Variants in VPS4A observed in about 807,000 individuals in gnomAD.
VPS4A encodes vacuolar protein sorting 4 homolog A, also known as vacuolar protein sorting-associated protein 4A.
In VPS4A, 20 loss-of-function variants were observed where a neutral mutation model predicts 52.3. The observed-to-expected ratio is 0.38, with a 90% CI of 0.27 to 0.56. VPS4A has a LOEUF of 0.56. VPS4A is among the 20% of genes least tolerant of loss of function. The pLI is 0.72. For missense variants in VPS4A, 419 were observed against 575.9 expected (o/e 0.73, Z 2.79); for synonymous variants, 293 against 227.7 (o/e 1.29, Z -2.58).
chr16:69,316,450 T>C, intron 3 of VPS4A, 78 bp downstream of exon 3: 1 of 1,562,118 alleles, frequency 6.4e-7, no homozygotes, highest in Non-Finnish European at 8.7e-7. Flanking sequence ...CATGCTGCCT[T>C]GGACTTCCCT....
chr16:69,324,567 C>A lies in VPS4A; in HGVS notation c.*258C>A. 1 of 437,936 alleles carries A rather than the reference C, an allele frequency of 2.3e-6. No individual in the cohort carries two copies. Among genetic ancestry groups the A allele is most frequent in the Non-Finnish European group, 4.2e-6 (1 of 238,640 alleles). 27.1% of individuals were successfully genotyped at this position (437,936 alleles called of 1,614,324 possible). Reference sequence around the variant, plus strand: ...GGATGCTCATCAGCTCCTTCTGCCTCCCCCCCTTTTTTTTCCATCTTTTGT... The same window carrying A: ...GGATGCTCATCAGCTCCTTCTGCCTACCCCCCTTTTTTTTCCATCTTTTGT... On this transcript the variant is annotated 3_prime_UTR_variant, in exon 11 of 11. Transcript: ENST00000254950.
At chr16:69,322,396 C>A in intron 9 of VPS4A, 164 bp from the exon 10 acceptor site, 1 of 625,304 alleles carries the variant, frequency 1.6e-6, no homozygotes, top group Admixed American at 3.2e-5. Flanking sequence ...CCATGCAAAT[C>A]ATGAGTCGCT....
chr16:69,320,308 G>GC lies in VPS4A; in HGVS notation c.769+24dup, dbSNP rs1426434757. 1.2e-6 allele frequency: 2 copies of GC among 1,608,226 alleles called. No homozygotes were observed. Among genetic ancestry groups the GC allele is most frequent in the Non-Finnish European group, 1.7e-6 (2 of 1,175,374 alleles). ...ATGCAGGGTGTGTGCCGGGCCCAGG[G>GC]CCCCCTTGGTTCTTGTTGCACCTGA... On this transcript the variant is annotated intron_variant, in intron 7 of 10. Transcript: ENST00000254950. The surrounding 1 kb of genome is among the most constrained non-coding windows in gnomAD (Gnocchi z 4.2).
chr16:69,314,422 G>A (rs1965411899), intron 1 of VPS4A, among the ~76,000 whole-genome samples: 1 of 152,104 alleles, frequency 6.6e-6, no homozygotes, highest in Non-Finnish European at 1.5e-5. Flanking sequence ...GGTACTGGGG[G>A]TGTGTGTTCT....
Position 69,326,406 on chromosome 16 carries a change from T to C in VPS4A, c.*2097T>C, listed in dbSNP as rs181056288. 3.5e-4 allele frequency: 53 copies of C among 152,380 alleles called. No individual in the cohort carries two copies. The highest frequency in any genetic ancestry group is 1.2e-3 in the African/African-American group (50 of 41,594). 9.4% of individuals were successfully genotyped at this position (152,380 alleles called of 1,614,324 possible). On this transcript the variant is annotated 3_prime_UTR_variant, in exon 11 of 11. Coordinates refer to ENST00000254950, the MANE Select transcript of VPS4A (RefSeq NM_013245.3). The stretch of plus-strand genomic sequence containing the variant: ...CCCTCAGCCACCAGGATATGAACCG[T>C]GTCTGCAGAGCTTCACTTTAGTGAG...
intron 10 of VPS4A, among the ~76,000 whole-genome samples, chr16:69,323,903 T>G (rs1210139971): frequency 7.6e-6 from 1 of 130,986 alleles, no homozygotes; most frequent in East Asian, 2.2e-4. Context: ...TGAGCCGAGA[T>G]CATGCCACTG....
chr16:69,313,663 A>T (rs1424518050), intron 1 of VPS4A, among the ~76,000 whole-genome samples: 1 of 152,202 alleles, frequency 6.6e-6, no homozygotes, highest in Non-Finnish European at 1.5e-5. Context: ...TTATTGGAAC[A>T]CATCCCTGTT....
Position 69,320,232 on chromosome 16 carries a change from GA to G in VPS4A, c.716del (p.Asn239MetfsTer108). The G allele has an allele frequency of 6.2e-7, 1 of 1,614,014 alleles. No homozygotes were observed. Among genetic ancestry groups the G allele is most frequent in the Non-Finnish European group, 8.5e-7 (1 of 1,179,864 alleles). On this transcript the variant is annotated frameshift_variant, in exon 7 of 11. Coordinates refer to ENST00000254950, the MANE Select transcript of VPS4A (RefSeq NM_013245.3). LOFTEE classifies it high-confidence loss of function. This position sits in a 1 kb window ranked among gnomAD's most constrained non-coding sequence, Gnocchi z 4.2. The part of the protein sequence containing the change: ...EVDSLCGSRN[E>X]NESEAARRIK... Reference sequence around the variant, plus strand: ...GGATTCCCTCTGCGGGTCCCGAAATGAAAATGAGAGTGAGGCCGCCCGGAGG... The same window carrying G: ...GGATTCCCTCTGCGGGTCCCGAAATGAAATGAGAGTGAGGCCGCCCGGAGG...
rs145200480 is a variant in VPS4A, at chr16:69,320,024, C to A, written c.621-117C>A. On this transcript the variant is annotated intron_variant, in intron 6 of 10. Coordinates refer to ENST00000254950, the MANE Select transcript of VPS4A (RefSeq NM_013245.3). This position sits in a 1 kb window ranked among gnomAD's most constrained non-coding sequence, Gnocchi z 4.2. ...CCTCACCACCACGTTTTCCGCAATTCCGGCATGACCGTGGCCTGCGCCTCC... is the reference window on the plus strand; with the variant it reads ...CCTCACCACCACGTTTTCCGCAATTACGGCATGACCGTGGCCTGCGCCTCC... 2 of 1,382,632 alleles carry A rather than the reference C, an allele frequency of 1.4e-6. No homozygotes were observed. The highest frequency in any genetic ancestry group is 1.9e-6 in the Non-Finnish European group (2 of 1,029,262). 85.6% of individuals were successfully genotyped at this position (1,382,632 alleles called of 1,614,324 possible). A position where few individuals can be genotyped will look rare whatever the true frequency, so the allele number is the denominator to read the frequency against.
chr16:69,324,344 G>A lies in VPS4A; in HGVS notation c.*35G>A. ...CACTTGGGCAATGGTGAAGGTGGGA[G>A]GTTGATTGGGGCAAATCCAGGCACT... On this transcript the variant is annotated 3_prime_UTR_variant, in exon 11 of 11. Transcript: ENST00000254950. 1 of 1,600,960 alleles carries A rather than the reference G, an allele frequency of 6.2e-7. No individual in the cohort carries two copies. Among genetic ancestry groups the A allele is most frequent in the Non-Finnish European group, 8.5e-7 (1 of 1,171,736 alleles).
At chr16:69,324,169 G>A in intron 10 of VPS4A, 39 bp from the exon 11 acceptor site, 2 of 1,598,772 alleles carry the variant, frequency 1.3e-6, no homozygotes, top group Non-Finnish European at 1.7e-6. Context: ...GGGACCTGGA[G>A]CCTGGCTCCT....
In VPS4A at chr16:69,320,889, C is replaced by T; in HGVS notation, c.851+120C>T. ...TTTTCCCTGGAGTCTTCCCGTCTGC[C>T]TGCCAAGCAGAGCCCTTTGTGAGGC... On this transcript the variant is annotated intron_variant, in intron 8 of 10. Coordinates refer to ENST00000254950, the MANE Select transcript of VPS4A (RefSeq NM_013245.3). This position sits in a 1 kb window ranked among gnomAD's most constrained non-coding sequence, Gnocchi z 4.2. 1.6e-6 allele frequency: 2 copies of T among 1,257,978 alleles called. No individual in the cohort carries two copies. Among genetic ancestry groups the T allele is most frequent in the Non-Finnish European group, 2.2e-6 (2 of 895,698 alleles). 77.9% of individuals were successfully genotyped at this position (1,257,978 alleles called of 1,614,324 possible).
At chr16:69,319,181 G>T (rs1022199211) in intron 5 of VPS4A, among the ~76,000 whole-genome samples, 2 of 150,200 alleles carry the variant, frequency 1.3e-5, no homozygotes, top group African/African-American at 2.5e-5. Context: ...GCAAGGTCAT[G>T]GGGTCATAGC....
In VPS4A at chr16:69,320,461, C is replaced by T. The variant is rs1965496914; in HGVS notation, c.769+172C>T. On this transcript the variant is annotated intron_variant, in intron 7 of 10. Transcript: ENST00000254950. The surrounding 1 kb of genome is among the most constrained non-coding windows in gnomAD (Gnocchi z 4.2). ...AATTCCCAAGAGGTGCCTGAGGCCT[C>T]TGCCTCACGGGCCACTCCACCCCTC... is the stretch of plus-strand genomic sequence containing the variant. 2.0e-6 allele frequency: 2 copies of T among 992,818 alleles called. No individual in the cohort carries two copies. Among genetic ancestry groups the T allele is most frequent in the Admixed American group, 2.8e-5 (1 of 35,636 alleles). 61.5% of individuals were successfully genotyped at this position (992,818 alleles called of 1,614,324 possible).
chr16:69,320,042 G>C lies in VPS4A; in HGVS notation c.621-99G>C. ...CGCAATTCCGGCATGACCGTGGCCT[G>C]CGCCTCCCTGTGGGAAGGGTGAGAA... On this transcript the variant is annotated intron_variant, in intron 6 of 10. Transcript: ENST00000254950. This position sits in a 1 kb window ranked among gnomAD's most constrained non-coding sequence, Gnocchi z 4.2. The C allele has an allele frequency of 6.8e-7, 1 of 1,460,854 alleles. No homozygotes were observed. Among genetic ancestry groups the C allele is most frequent in the Admixed American group, 2.2e-5 (1 of 45,110 alleles). 90.5% of individuals were successfully genotyped at this position (1,460,854 alleles called of 1,614,324 possible).
At position 69,321,012 on chromosome 16, in the gene VPS4A, C is replaced by T. The variant is rs1001567094; in HGVS notation, c.852-39C>T. ...TCCCCTTCCGTGAATACCATTCCAT[C>T]ATCCGCTGTCAACTCCTGCCGTGTG... On this transcript the variant is annotated intron_variant, in intron 8 of 10. Transcript: ENST00000254950. This position sits in a 1 kb window ranked among gnomAD's most constrained non-coding sequence, Gnocchi z 4.5. 11 of 1,537,226 alleles carry T rather than the reference C, an allele frequency of 7.2e-6. No individual in the cohort carries two copies. Among genetic ancestry groups the T allele is most frequent in the Non-Finnish European group, 9.7e-6 (11 of 1,133,282 alleles).
chr16:69,311,473 A>G lies in VPS4A; in HGVS notation c.-39A>G. On this transcript the variant is annotated 5_prime_UTR_variant, in exon 1 of 11. Transcript: ENST00000254950. ...TCCCCGGGGCCGGACCGAGGCCGCA[A>G]GCAGCGCCGCGGGGTGTGGGGCGGA... The G allele has an allele frequency of 7.7e-7, 1 of 1,298,774 alleles. No homozygotes were observed. The highest frequency in any genetic ancestry group is 9.9e-7 in the Non-Finnish European group (1 of 1,012,434). The allele number at this position is 1,298,774 out of a possible 1,614,324, so 80.5% of individuals were successfully genotyped here. A position where few individuals can be genotyped will look rare whatever the true frequency, so the allele number is the denominator to read the frequency against.
Position 69,316,108 on chromosome 16 carries a change from A to G in VPS4A, c.122A>G (p.His41Arg), listed in dbSNP as rs1300178956. 6 of 1,613,302 alleles carry G rather than the reference A, an allele frequency of 3.7e-6. No individual in the cohort carries two copies. The highest frequency in any genetic ancestry group is 4.5e-5 in the East Asian group (2 of 44,884). ...CAGCATGCGGTGGAGTACTTCCTCC[A>G]CGCTATCAAGTGTGAGTCACACGAG... Reference protein sequence around the residue: ...LYQHAVEYFLHAIKYEAHSDK... With the variant: ...LYQHAVEYFLRAIKYEAHSDK... Residue 41 changes from histidine to arginine, a missense_variant, in exon 2 of 11, where the codon CAC (histidine) becomes CGC (arginine). His to Arg is a conservative substitution (Grantham distance 29, BLOSUM62 0). Transcript: ENST00000254950.
At chr16:69,313,582 C>T (rs2143244634) in intron 1 of VPS4A, among the ~76,000 whole-genome samples, 1 of 152,148 alleles carries the variant, frequency 6.6e-6, no homozygotes, top group South Asian at 2.1e-4. Flanking sequence ...TTTTAAATGG[C>T]TTGAAAAACA....
Sources: gnomAD v4.1 joint callset for allele counts (sites outside exome capture counted in the v4.1 genomes callset) on GRCh38, gnomAD v4.1.1 for gene constraint, Gnocchi (gnomAD v3.1) non-coding constraint, MANE v1.5 for transcripts, NCBI Gene and HGNC (gene_info 2026-07-23, HGNC 2026-07-21) for gene names.